CFAP97: variants seen among roughly 807,000 people sequenced by gnomAD.
CFAP97 encodes the protein cilia- and flagella-associated protein 97.
A neutral mutation model predicts 43.1 loss-of-function variants in CFAP97; 36 were observed. That is an observed-to-expected ratio of 0.84 (90% CI 0.64 to 1.10). CFAP97 has a LOEUF of 1.10. CFAP97 is among the 50% of genes least tolerant of loss of function. The probability of loss-of-function intolerance (pLI) is 0.00; values close to 1 mark genes in which losing one functional copy is unlikely to be tolerated. For missense variants in CFAP97, 657 were observed against 620.3 expected (o/e 1.06, Z -0.63); for synonymous variants, 228 against 225.7 (o/e 1.01, Z -0.09).
At position 185,162,486 on chromosome 4, in the gene CFAP97, A is replaced by C; in HGVS notation, c.*312T>G. On this transcript the variant is annotated 3_prime_UTR_variant, in exon 5 of 5. Coordinates refer to ENST00000458385, the MANE Select transcript of CFAP97 (RefSeq NM_020827.3). ...GAAAACTATAGTGACCATCTTGGGTACGACATGCAATGATACTATCACTAC... is the reference window on the plus strand; with the variant it reads ...GAAAACTATAGTGACCATCTTGGGTCCGACATGCAATGATACTATCACTAC... 1 of 301,894 alleles carries C rather than the reference A, an allele frequency of 3.3e-6. No individual in the cohort carries two copies. The highest frequency in any genetic ancestry group is 6.3e-6 in the Non-Finnish European group (1 of 159,958). The allele number at this position is 301,894 out of a possible 1,614,324, so 18.7% of individuals were successfully genotyped here.
At chr4:185,210,035 C>T, upstream of CFAP97, 3 of 983,908 alleles carry the variant, frequency 3.0e-6, no homozygotes, top group Non-Finnish European at 3.6e-6. This position sits in a 1 kb window ranked among gnomAD's most constrained non-coding sequence, Gnocchi z 4.4. Flanking sequence ...GCCGCCGTGG[C>T]CCTCTCCTTC....
At chr4:185,208,684 C>A (rs374565547), upstream of CFAP97, among the ~76,000 whole-genome samples, 27 of 151,918 alleles carry the variant, frequency 1.8e-4, no homozygotes, top group South Asian at 6.3e-4. Flanking sequence ...GCCGAGATCG[C>A]CCCACTGCAC....
upstream of CFAP97, among the ~76,000 whole-genome samples, chr4:185,205,269 T>C (rs181968928): frequency 5.2e-3 from 792 of 152,066 alleles, 5 homozygotes; most frequent in African/African-American, 0.018. Flanking sequence ...GCCTGACTAA[T>C]ATGGTGAAAC....
At chr4:185,170,262 C>CT (rs1165233809) in intron 3 of CFAP97, 1 of 658,864 alleles carries the variant, frequency 1.5e-6, no homozygotes, top group Admixed American at 2.2e-5. Context: ...AGGAGAATCA[C>CT]TTGAACCCAG....
intron 1 of CFAP97, 79 bp from the exon 2 acceptor site, chr4:185,191,291 T>C (rs1313116528): frequency 2.0e-6 from 2 of 1,019,592 alleles, no homozygotes; most frequent in African/African-American, 1.6e-5. Flanking sequence ...TAAATAATTT[T>C]CCCAAACTGA....
At chr4:185,195,940 C>T (rs1367219379) in intron 1 of CFAP97, among the ~76,000 whole-genome samples, 1 of 152,168 alleles carries the variant, frequency 6.6e-6, no homozygotes, top group East Asian at 1.9e-4. Context: ...ATGGTGAGCA[C>T]TCTGGACTCT....
At chr4:185,198,789 C>CAAAAA (rs58603330) in intron 1 of CFAP97, among the ~76,000 whole-genome samples, 1 of 124,318 alleles carries the variant, frequency 8.0e-6, no homozygotes, top group Non-Finnish European at 1.7e-5. Flanking sequence ...AACTCCATCT[C>CAAAAA]AAAAAAAAGA....
intron 3 of CFAP97, among the ~76,000 whole-genome samples, chr4:185,171,600 G>T (rs1350670392): frequency 1.3e-5 from 2 of 152,150 alleles, no homozygotes; most frequent in South Asian, 4.1e-4. Flanking sequence ...TTCTTAGAGG[G>T]TAAAGTGAAA....
rs1389242866 is a variant in CFAP97 at position 185,159,790 on chromosome 4, CATAGAA to C, written c.*3002_*3007del. The C allele has an allele frequency of 2.0e-5, 3 of 152,138 alleles. No homozygotes were observed. Among genetic ancestry groups the C allele is most frequent in the Non-Finnish European group, 2.9e-5 (2 of 68,024 alleles). 9.4% of individuals were successfully genotyped at this position (152,138 alleles called of 1,614,324 possible). ...TTTAAGTTTCTTACTAATCTTTCCT[CATAGAA>C]ATAAAGAAGCCATAACTGTTAAGCA... On this transcript the variant is annotated 3_prime_UTR_variant, in exon 5 of 5. Coordinates refer to ENST00000458385, the MANE Select transcript of CFAP97 (RefSeq NM_020827.3).
At chr4:185,191,554 G>A (rs111767019) in intron 1 of CFAP97, among the ~76,000 whole-genome samples, 6,021 of 152,250 alleles carry the variant, frequency 0.04, 382 homozygotes, top group African/African-American at 0.13. Context: ...GAAAAAGGCC[G>A]GGCGCGGTGG....
Position 185,175,770 on chromosome 4 carries a change from T to C in CFAP97, c.1320+16A>G. The C allele has an allele frequency of 6.2e-7, 1 of 1,606,500 alleles. No individual in the cohort carries two copies. Among genetic ancestry groups the C allele is most frequent in the Non-Finnish European group, 8.5e-7 (1 of 1,175,238 alleles). ...AAACACATTTTCTTTGATGACTAAT[T>C]ATTTCAGTTACTTACCAAGTTTTCT... is the stretch of plus-strand genomic sequence containing the variant. On this transcript the variant is annotated intron_variant, in intron 3 of 4. Coordinates refer to ENST00000458385, the MANE Select transcript of CFAP97 (RefSeq NM_020827.3).
At chr4:185,177,652 T>A (rs1259835126) in intron 2 of CFAP97, among the ~76,000 whole-genome samples, 1 of 152,020 alleles carries the variant, frequency 6.6e-6, no homozygotes, top group Non-Finnish European at 1.5e-5. Context: ...CTGGCCAACA[T>A]GGCAAAACCC....
Position 185,209,381 on chromosome 4 carries a change from GA to G in CFAP97, c.-131del. ...CCTGCAGCAAAATTTTCCATGAACA[GA>G]CGGCATCCTGTAGAGGAGGAGGGGA... is the stretch of plus-strand genomic sequence containing the variant. On this transcript the variant is annotated 5_prime_UTR_variant, in exon 1 of 3. Coordinates refer to the CFAP97 transcript ENST00000503223. The surrounding 1 kb of genome is among the most constrained non-coding windows in gnomAD (Gnocchi z 5.2). 6.6e-6 allele frequency: 1 copy of G among 152,456 alleles called. No homozygotes were observed. Among genetic ancestry groups the G allele is most frequent in the Non-Finnish European group, 1.5e-5 (1 of 68,186 alleles). The allele number at this position is 152,456 out of a possible 1,614,324, so 9.4% of individuals were successfully genotyped here. A position where few individuals can be genotyped will look rare whatever the true frequency, so the allele number is the denominator to read the frequency against.
intron 1 of CFAP97, among the ~76,000 whole-genome samples, chr4:185,195,937 G>A (rs1282270760): frequency 6.6e-6 from 1 of 152,152 alleles, no homozygotes; most frequent in Non-Finnish European, 1.5e-5. Context: ...GTAATGGTGA[G>A]CACTCTGGAC....
chr4:185,208,468 A>G (rs3112884), upstream of CFAP97, among the ~76,000 whole-genome samples: 86,826 of 151,676 alleles, frequency 0.57, 25,611 homozygotes, highest in Non-Finnish European at 0.66. Flanking sequence ...GGTGGCTTAC[A>G]CCTATAATCC....
chr4:185,180,195 C>T (rs1208886025), intron 2 of CFAP97, among the ~76,000 whole-genome samples: 1 of 152,106 alleles, frequency 6.6e-6, no homozygotes, highest in East Asian at 1.9e-4. Context: ...TTGGCATATA[C>T]TGAGCACTCA....
At chr4:185,174,660 G>C (rs577494857) in intron 3 of CFAP97, among the ~76,000 whole-genome samples, 1 of 152,286 alleles carries the variant, frequency 6.6e-6, no homozygotes, top group African/African-American at 2.4e-5. Context: ...TCTAGTTTAA[G>C]AGACTACCCA....
chr4:185,173,132 G>C (rs561357457), intron 3 of CFAP97, among the ~76,000 whole-genome samples: 1 of 152,252 alleles, frequency 6.6e-6, no homozygotes, highest in Admixed American at 6.5e-5. Context: ...GGGAGGCAGA[G>C]GAGGGAGGAT....
At chr4:185,167,633 G>C (rs1240590055) in intron 3 of CFAP97, among the ~76,000 whole-genome samples, 1 of 152,122 alleles carries the variant, frequency 6.6e-6, no homozygotes, top group Non-Finnish European at 1.5e-5. Flanking sequence ...AATAACCTCA[G>C]AGTCAGTTTT....
Sources: allele counts gnomAD v4.1 joint callset (sites outside exome capture counted in the v4.1 genomes callset), GRCh38; gene constraint gnomAD v4.1.1; non-coding constraint Gnocchi (gnomAD v3.1); transcripts MANE v1.5; gene names NCBI Gene and HGNC (gene_info 2026-07-23, HGNC 2026-07-21).